ZNF407: variants seen among roughly 807,000 people sequenced by gnomAD.
ZNF407 encodes the protein zinc finger protein 407.
ZNF407 carries 17 observed loss-of-function variants against 131.2 expected under a neutral mutation model. The ratio of observed to expected loss-of-function variants is 0.13; its 90% CI spans 0.09 to 0.19. ZNF407 has a LOEUF of 0.19. ZNF407 is among the 10% of genes least tolerant of loss of function. The pLI, the probability that ZNF407 is intolerant of heterozygous loss-of-function variation, is 1.00. For synonymous variants in ZNF407, 1,156 were observed against 1,062.0 expected (o/e 1.09, Z -1.72); for missense variants, 2,681 against 2,830.6 (o/e 0.95, Z 1.20).
chr18:74,798,103 T>C (rs1969954628), intron 4 of ZNF407, among the ~76,000 whole-genome samples: 1 of 152,000 alleles, frequency 6.6e-6, no homozygotes, highest in South Asian at 2.1e-4. Context: ...TTTTCATGTC[T>C]GAATCATAAA....
chr18:74,928,979 G>A lies in ZNF407; in HGVS notation c.5428+8287G>A, dbSNP rs764432070. Among the ~76,000 whole-genome samples, 7 of 151,976 alleles carry A rather than the reference G, an allele frequency of 4.6e-5. No homozygotes were observed. In the South Asian group the frequency reaches 6.2e-4, roughly 14 times the overall value. On this transcript the variant is annotated intron_variant, in intron 8 of 8. Transcript: ENST00000299687. ...TATCCTTTCTACTGTATAGTTTAGC[G>A]TTCTGTAAAGTCCTGAATGGCATTC... is the stretch of plus-strand genomic sequence containing the variant.
At chr18:74,851,829 A>G (rs1970788166) in intron 4 of ZNF407, among the ~76,000 whole-genome samples, 1 of 152,228 alleles carries the variant, frequency 6.6e-6, no homozygotes, top group Non-Finnish European at 1.5e-5. Flanking sequence ...TGCCCTTAGC[A>G]TTCATTTGGA....
At chr18:74,691,021 G>A in intron 3 of ZNF407, among the ~76,000 whole-genome samples, 1 of 152,216 alleles carries the variant, frequency 6.6e-6, no homozygotes, top group East Asian at 1.9e-4. Flanking sequence ...GCTCACGCCT[G>A]TAATCCCAGC....
chr18:74,612,269 G>A (rs1227873355), intron 1 of ZNF407, among the ~76,000 whole-genome samples: 1 of 152,012 alleles, frequency 6.6e-6, no homozygotes, highest in East Asian at 1.9e-4. Context: ...GACTCAAGTC[G>A]GTGGATAACT....
chr18:74,778,188 C>G (rs1969514393), intron 3 of ZNF407, among the ~76,000 whole-genome samples: 1 of 152,144 alleles, frequency 6.6e-6, no homozygotes, highest in Admixed American at 6.5e-5. Flanking sequence ...TCTATCCTCC[C>G]TGGATGGGAC....
intron 1 of ZNF407, among the ~76,000 whole-genome samples, chr18:74,627,778 TTCTC>T (rs35067719): frequency 0.14 from 18,295 of 130,364 alleles, 1,382 homozygotes; most frequent in African/African-American, 0.23. Flanking sequence ...TTTTCTCTCT[TTCTC>T]TCTCTCTCTC....
chr18:74,934,089 C>G (rs1280887628), intron 8 of ZNF407, among the ~76,000 whole-genome samples: 1 of 152,076 alleles, frequency 6.6e-6, no homozygotes, highest in Non-Finnish European at 1.5e-5. Context: ...CTTGTTCACT[C>G]TTGTCATTGC....
At chr18:74,972,636 T>C (rs1568287678) in intron 8 of ZNF407, among the ~76,000 whole-genome samples, 1 of 152,252 alleles carries the variant, frequency 6.6e-6, no homozygotes, top group Non-Finnish European at 1.5e-5. Flanking sequence ...GCTTGGTGAG[T>C]CCACATTTAA....
intron 8 of ZNF407, among the ~76,000 whole-genome samples, chr18:74,940,618 G>T (rs185622479): frequency 2.6e-5 from 4 of 152,176 alleles, no homozygotes; most frequent in African/African-American, 9.7e-5. Flanking sequence ...TAAGATTTGT[G>T]TCACTCTCTA....
chr18:74,824,086 A>G (rs964723127), intron 4 of ZNF407, among the ~76,000 whole-genome samples: 1 of 152,224 alleles, frequency 6.6e-6, no homozygotes, highest in African/African-American at 2.4e-5. Flanking sequence ...CTACATGGAA[A>G]CTGAACAACC....
rs772775124 is a variant in ZNF407 at position 75,064,989 on chromosome 18, C to T, written c.*521C>T. On this transcript the variant is annotated 3_prime_UTR_variant, in exon 9 of 9. Coordinates refer to ENST00000299687, the MANE Select transcript of ZNF407 (RefSeq NM_017757.3). ...ACAAGTGTTACCATCTTGAAGCAGT[C>T]CACTTCCATTCAATTTTTTTTTTTT... 6.6e-6 allele frequency: 1 copy of T among 152,212 alleles called. No individual in the cohort carries two copies. Among genetic ancestry groups the T allele is most frequent in the South Asian group, 2.1e-4 (1 of 4,832 alleles). 9.4% of individuals were successfully genotyped at this position (152,212 alleles called of 1,614,324 possible).
chr18:74,915,301 TAAAG>T (rs1458578407), intron 7 of ZNF407, among the ~76,000 whole-genome samples: 3 of 151,622 alleles, frequency 2.0e-5, no homozygotes, highest in Admixed American at 6.6e-5. Context: ...CAGTGATTAG[TAAAG>T]AGTGTTCGAA....
intron 4 of ZNF407, among the ~76,000 whole-genome samples, chr18:74,821,039 C>A (rs553938045): frequency 2.0e-4 from 30 of 152,188 alleles, no homozygotes; most frequent in Non-Finnish European, 3.8e-4. Flanking sequence ...AGAGATTGGG[C>A]AGGGACATCA....
At chr18:75,041,097 C>G (rs963630102) in intron 8 of ZNF407, among the ~76,000 whole-genome samples, 2 of 152,204 alleles carry the variant, frequency 1.3e-5, no homozygotes, top group African/African-American at 4.8e-5. Flanking sequence ...CTCGCAGTAT[C>G]CCGCAAGGTG....
At chr18:74,615,623 G>A (rs567356161) in intron 1 of ZNF407, among the ~76,000 whole-genome samples, 33 of 152,308 alleles carry the variant, frequency 2.2e-4, no homozygotes, top group African/African-American at 7.9e-4. Flanking sequence ...AAAAGGAATG[G>A]CAGATTATGG....
chr18:74,918,601 C>A (rs1971804322), intron 7 of ZNF407, among the ~76,000 whole-genome samples: 1 of 152,126 alleles, frequency 6.6e-6, no homozygotes, highest in African/African-American at 2.4e-5. Flanking sequence ...CACTGTCTTG[C>A]ATGTATTTAG....
At chr18:74,961,738 C>T (rs988275694) in intron 8 of ZNF407, among the ~76,000 whole-genome samples, 1 of 150,752 alleles carries the variant, frequency 6.6e-6, no homozygotes, top group Non-Finnish European at 1.5e-5. Context: ...AAAAAGTTTG[C>T]AAAGTGCCCA....
chr18:74,902,642 A>G (rs528040618), intron 7 of ZNF407, among the ~76,000 whole-genome samples: 27 of 152,254 alleles, frequency 1.8e-4, no homozygotes, highest in African/African-American at 6.0e-4. Context: ...CTTTTTCTTC[A>G]AAGGTGATCA....
intron 1 of ZNF407, among the ~76,000 whole-genome samples, chr18:74,609,306 G>C (rs973133538): frequency 4.6e-5 from 7 of 152,148 alleles, no homozygotes; most frequent in African/African-American, 1.7e-4. Flanking sequence ...TTTCATTGTT[G>C]TGTGAACATC....
Sources: gnomAD v4.1 joint callset for allele counts (sites outside exome capture counted in the v4.1 genomes callset) on GRCh38, gnomAD v4.1.1 for gene constraint, MANE v1.5 for transcripts, NCBI Gene and HGNC (gene_info 2026-07-23, HGNC 2026-07-21) for gene names.